Variants in ADD1 observed in about 807,000 individuals in gnomAD.
ADD1 encodes the protein adducin 1, also known as alpha-adducin.
ADD1 carries 24 observed loss-of-function variants against 80.5 expected under a neutral mutation model. The ratio of observed to expected loss-of-function variants is 0.30; its 90% CI spans 0.22 to 0.42. The LOEUF (loss-of-function observed/expected upper bound fraction) is 0.42. Ranked by LOEUF, ADD1 falls within the 10% of genes least tolerant of loss-of-function variation. ADD1 has a pLI of 1.00. For synonymous variants in ADD1, 373 were observed against 393.8 expected, an observed-to-expected ratio of 0.95 and a Z score of 0.63; for missense variants, 948 against 1,019.0, an observed-to-expected ratio of 0.93 and a Z score of 0.95.
At position 2,910,010 on chromosome 4, in the gene ADD1, A is replaced by G. The variant is rs181108190; in HGVS notation, c.1791+579A>G. 1.1e-3 allele frequency among the ~76,000 whole-genome samples: 168 copies of G among 147,554 alleles called. 1 individual carries two copies. Among genetic ancestry groups the G allele is most frequent in the African/African-American group, 4.0e-3 (158 of 39,676 alleles). ...ACCCTAAATAACATTTTTAAATGCC[A>G]CAGAGGAGAAAGACTTAGGAGAGTC... On this transcript the variant is annotated intron_variant, in intron 13 of 15. Transcript: ENST00000683351.
chr4:2,848,478 A>AT (rs1229618954), intron 1 of ADD1, among the ~76,000 whole-genome samples: 2 of 151,330 alleles, frequency 1.3e-5, no homozygotes, highest in Non-Finnish European at 2.9e-5. Flanking sequence ...TAATTAATTT[A>AT]TTTTTTTTGA....
At position 2,868,810 on chromosome 4, in the gene ADD1, C is replaced by G. The variant is rs139487842; in HGVS notation, c.-20-7086C>G. 1.1e-3 allele frequency among the ~76,000 whole-genome samples: 166 copies of G among 152,248 alleles called. 1 individual carries two copies. The highest frequency in any genetic ancestry group is 3.6e-3 in the Admixed American group (55 of 15,280). Reference sequence around the variant, plus strand: ...GAGGTGGGAATGGTGTATGTTGACACACAGGAGTCCAGGTGCCAGGCTTGG... The same window carrying G: ...GAGGTGGGAATGGTGTATGTTGACAGACAGGAGTCCAGGTGCCAGGCTTGG... On this transcript the variant is annotated intron_variant, in intron 1 of 15. Coordinates refer to ENST00000683351, the MANE Select transcript of ADD1 (RefSeq NM_001354761.2).
At position 2,926,279 on chromosome 4, in the gene ADD1, C is replaced by T; in HGVS notation, c.2047+167C>T. ...CCTATATTGCTTCTGTCCTGGGTAACTCCAGGCAAAACAGATTTGTATGTG... is the reference window on the plus strand; with the variant it reads ...CCTATATTGCTTCTGTCCTGGGTAATTCCAGGCAAAACAGATTTGTATGTG... On this transcript the variant is annotated intron_variant, in intron 15 of 15. Coordinates refer to ENST00000683351, the MANE Select transcript of ADD1 (RefSeq NM_001354761.2). This position sits in a 1 kb window ranked among gnomAD's most constrained non-coding sequence, Gnocchi z 5.0. The T allele has an allele frequency of 1.3e-6, 1 of 750,344 alleles. No homozygotes were observed. The highest frequency in any genetic ancestry group is 2.4e-6 in the Non-Finnish European group (1 of 422,008). The allele number at this position is 750,344 out of a possible 1,614,324, so 46.5% of individuals were successfully genotyped here.
rs1731243344 is a variant in ADD1 at position 2,876,086 on chromosome 4, G to A, written c.171G>A (p.Arg57=). ...TCAACATGATGGAGCAAAAGAAGAG[G>A]GTGTCCATGATTCTGCAAAGCCCTG... ...QDFNMMEQKK[R]VSMILQSPAF... Residue 57 remains arginine, a synonymous_variant, in exon 2 of 16, where the codon AGG becomes AGA. Transcript: ENST00000683351. 1.2e-6 allele frequency: 2 copies of A among 1,613,582 alleles called. No individual in the cohort carries two copies. Among genetic ancestry groups the A allele is most frequent in the Non-Finnish European group, 1.7e-6 (2 of 1,179,830 alleles).
Position 2,847,771 on chromosome 4 carries a change from C to G in ADD1, c.-21+3747C>G, listed in dbSNP as rs183300349. ...AGTACATTGGTTCAGTCCAGAACGG[C>G]GGGGACAGCTTGAAGCAGGGAGGGA... is the stretch of plus-strand genomic sequence containing the variant. On this transcript the variant is annotated intron_variant, in intron 1 of 15. Transcript: ENST00000683351. Among the ~76,000 whole-genome samples the G allele has an allele frequency of 2.3e-4, 35 of 152,196 alleles. No homozygotes were observed. In the East Asian group the frequency reaches 5.6e-3, roughly 24 times the overall value.
intron 1 of ADD1, among the ~76,000 whole-genome samples, chr4:2,866,674 G>A (rs999855389): frequency 3.3e-5 from 5 of 152,134 alleles, no homozygotes; most frequent in African/African-American, 1.2e-4. Context: ...CTCTTCCCGT[G>A]TTTACATTTT....
chr4:2,925,935 C>T, intron 14 of ADD1, 79 bp from the exon 15 acceptor site: 1 of 1,283,070 alleles, frequency 7.8e-7, no homozygotes, highest in Non-Finnish European at 1.1e-6. Flanking sequence ...AGCGGGCTGC[C>T]CCATCTGCCA....
chr4:2,875,948 C>T lies in ADD1; in HGVS notation c.33C>T (p.Thr11=), dbSNP rs1335259129. ...GTGATTCTCGTGCTGCGGTGGTGAC[C>T]TCACCACCCCCGACCACAGCCCCTC... MNGDSRAAVV[T]SPPPTTAPHK... The change falls in exon 2 of 16, where the codon ACC becomes ACT. Residue 11 remains threonine, a synonymous_variant. Transcript: ENST00000683351. The T allele has an allele frequency of 1.2e-6, 2 of 1,611,688 alleles. No individual in the cohort carries two copies. The highest frequency in any genetic ancestry group is 3.4e-5 in the Admixed American group (2 of 59,472).
intron 14 of ADD1, among the ~76,000 whole-genome samples, chr4:2,924,742 C>T (rs1243218394): frequency 6.6e-6 from 1 of 152,244 alleles, no homozygotes; most frequent in Non-Finnish European, 1.5e-5. Context: ...ACACCAGGCC[C>T]TGCTGCTGGT....
intron 1 of ADD1, among the ~76,000 whole-genome samples, chr4:2,847,187 C>A (rs1035800397): frequency 1.3e-5 from 2 of 152,068 alleles, no homozygotes; most frequent in African/African-American, 4.8e-5. Flanking sequence ...CTTTGGGAGG[C>A]TGAGGCAGGT....
rs1435366597 is a variant in ADD1, at chr4:2,908,611, G to T, written c.1698+7G>T. On this transcript the variant is annotated splice_region_variant and intron_variant, in intron 12 of 15. Coordinates refer to ENST00000683351, the MANE Select transcript of ADD1 (RefSeq NM_001354761.2). Reference sequence around the variant, plus strand: ...GGACAGGAGCCTCGTCCAGGTGAGAGCCCAGAGTGTCTCTGACTTTAGTGG... The same window carrying T: ...GGACAGGAGCCTCGTCCAGGTGAGATCCCAGAGTGTCTCTGACTTTAGTGG... The T allele has an allele frequency of 4.3e-6, 7 of 1,613,202 alleles. No individual in the cohort carries two copies. The highest frequency in any genetic ancestry group is 3.3e-4 in the Middle Eastern group (2 of 6,058).
intron 4 of ADD1, among the ~76,000 whole-genome samples, chr4:2,885,826 G>A (rs892891542): frequency 9.6e-4 from 146 of 152,172 alleles, no homozygotes; most frequent in Non-Finnish European, 1.4e-3. Flanking sequence ...TAGCCAGGAT[G>A]GTCTCGATCT....
chr4:2,846,055 TAAAC>T (rs1049287554), intron 1 of ADD1, among the ~76,000 whole-genome samples: 11 of 152,226 alleles, frequency 7.2e-5, no homozygotes, highest in Admixed American at 2.6e-4. Context: ...CTTAAAGACT[TAAAC>T]AAAAGGTAAA....
chr4:2,891,579 C>G (rs905417823), intron 4 of ADD1, among the ~76,000 whole-genome samples: 17 of 152,014 alleles, frequency 1.1e-4, no homozygotes, highest in African/African-American at 3.9e-4. Context: ...TGTAAATGAC[C>G]CCTAGCAATG....
At chr4:2,859,873 T>G (rs1728594581) in intron 1 of ADD1, among the ~76,000 whole-genome samples, 1 of 152,210 alleles carries the variant, frequency 6.6e-6, no homozygotes, top group Admixed American at 6.5e-5. Context: ...TGACATACTT[T>G]TCCATCTTAC....
chr4:2,928,625 C>A lies in ADD1; in HGVS notation c.*102C>A. 1 of 1,328,098 alleles carries A rather than the reference C, an allele frequency of 7.5e-7. No individual in the cohort carries two copies. The highest frequency in any genetic ancestry group is 1.3e-5 in the South Asian group (1 of 76,208). 82.3% of individuals were successfully genotyped at this position (1,328,098 alleles called of 1,614,324 possible). On this transcript the variant is annotated 3_prime_UTR_variant, in exon 16 of 16. Coordinates refer to ENST00000683351, the MANE Select transcript of ADD1 (RefSeq NM_001354761.2). ...CTTGTGTAATGGAATGCAAAAAAGC[C>A]AAGCCCTCCGCCTAGAGGTCCCCTC... is the stretch of plus-strand genomic sequence containing the variant.
chr4:2,906,577 C>T (rs746477530), intron 10 of ADD1, among the ~76,000 whole-genome samples: 3 of 152,156 alleles, frequency 2.0e-5, no homozygotes, highest in Admixed American at 6.5e-5. Context: ...GGCCTTGCTC[C>T]GCATTTATAT....
chr4:2,885,732 C>T (rs1013006842), intron 4 of ADD1, among the ~76,000 whole-genome samples: 2 of 152,074 alleles, frequency 1.3e-5, no homozygotes, highest in Admixed American at 1.3e-4. Context: ...GCCTCAGCCT[C>T]CCGAGTAGCT....
chr4:2,893,215 C>A (rs1734605709), intron 4 of ADD1, among the ~76,000 whole-genome samples: 1 of 151,986 alleles, frequency 6.6e-6, no homozygotes, highest in African/African-American at 2.4e-5. Context: ...AGGCTTGAGC[C>A]ACAGTGCCCA....
Sources: allele counts gnomAD v4.1 joint callset (sites outside exome capture counted in the v4.1 genomes callset), GRCh38; gene constraint gnomAD v4.1.1; non-coding constraint Gnocchi (gnomAD v3.1); transcripts MANE v1.5; gene names NCBI Gene and HGNC (gene_info 2026-07-23, HGNC 2026-07-21).